ADGRL3: variants seen among roughly 807,000 people sequenced by gnomAD.
ADGRL3 encodes adhesion G protein-coupled receptor L3, also known as calcium-independent alpha-latrotoxin receptor 3.
Under a neutral mutation model 153.5 loss-of-function variants are expected in ADGRL3, and 62 were observed. The ratio of observed to expected loss-of-function variants is 0.40; its 90% CI spans 0.33 to 0.50. The LOEUF is 0.50. ADGRL3 is among the 20% of genes least tolerant of loss of function. ADGRL3 has a pLI of 0.47. For missense variants in ADGRL3, 1,641 were observed against 1,859.4 expected (o/e 0.88, Z 2.16); for synonymous variants, 710 against 672.5 (o/e 1.06, Z -0.86).
At chr4:61,647,017 C>T (rs1048399837) in intron 5 of ADGRL3, among the ~76,000 whole-genome samples, 41 of 152,144 alleles carry the variant, frequency 2.7e-4, no homozygotes, top group African/African-American at 9.7e-4. Flanking sequence ...GCGCAGTCTT[C>T]GGGTGGGAGT....
rs140297440 is a variant in ADGRL3 at position 61,552,355 on chromosome 4, C to T, written c.259+34837C>T. Among the ~76,000 whole-genome samples, 1,480 of 152,240 alleles carry T rather than the reference C, an allele frequency of 9.7e-3. 12 individuals carry two copies. Among genetic ancestry groups the T allele is most frequent in the Middle Eastern group, 0.027 (8 of 294 alleles). On this transcript the variant is annotated intron_variant, in intron 4 of 26. Transcript: ENST00000683033. ...TATTTTTTCTTTATAAGAAAATCCC[C>T]GGAAGATCACCAAACTATATCACTG...
intron 3 of ADGRL3, among the ~76,000 whole-genome samples, chr4:61,508,996 C>T (rs948584761): frequency 6.6e-6 from 1 of 152,070 alleles, no homozygotes; most frequent in African/African-American, 2.4e-5. Context: ...ATTATAAGAA[C>T]AGTGTGGAGG....
chr4:61,463,197 A>G (rs1336322045), intron 2 of ADGRL3, among the ~76,000 whole-genome samples: 1 of 152,136 alleles, frequency 6.6e-6, no homozygotes, highest in Non-Finnish European at 1.5e-5. Context: ...CTGAAGTTCA[A>G]ATTTCACGGA....
At chr4:61,434,886 A>G (rs1175519825) in intron 2 of ADGRL3, among the ~76,000 whole-genome samples, 1 of 152,092 alleles carries the variant, frequency 6.6e-6, no homozygotes, top group African/African-American at 2.4e-5. Flanking sequence ...CTCATTTTGA[A>G]ACAAAATGGC....
intron 9 of ADGRL3, among the ~76,000 whole-genome samples, chr4:61,874,596 GTT>G (rs11335054): frequency 1.7e-3 from 240 of 145,104 alleles, no homozygotes; most frequent in Middle Eastern, 0.011. Context: ...GTTTGCATGT[GTT>G]TTTTTTTTTT....
chr4:61,263,226 G>A (rs965880310), intron 1 of ADGRL3, among the ~76,000 whole-genome samples: 22 of 151,674 alleles, frequency 1.5e-4, no homozygotes, highest in African/African-American at 5.1e-4. Flanking sequence ...ATTATCAAGT[G>A]CAAATAATTA....
At chr4:61,435,491 T>C (rs192347672) in intron 2 of ADGRL3, among the ~76,000 whole-genome samples, 11 of 152,204 alleles carry the variant, frequency 7.2e-5, no homozygotes, top group Non-Finnish European at 1.3e-4. Context: ...GATGAATGCA[T>C]GTGGGCCCAT....
chr4:62,039,032 C>T (rs972475280), intron 24 of ADGRL3, among the ~76,000 whole-genome samples: 2 of 151,978 alleles, frequency 1.3e-5, no homozygotes, highest in Admixed American at 6.6e-5. Context: ...ATTAATTTTT[C>T]TTAACTCTTT....
intron 25 of ADGRL3, among the ~76,000 whole-genome samples, chr4:62,055,715 C>T (rs1425190918): frequency 1.3e-5 from 2 of 151,094 alleles, no homozygotes; most frequent in Admixed American, 1.3e-4. Flanking sequence ...ATAGTTATTC[C>T]TGTTTTATAA....
intron 8 of ADGRL3, among the ~76,000 whole-genome samples, chr4:61,790,622 A>G (rs1345926871): frequency 6.6e-6 from 1 of 152,216 alleles, no homozygotes; most frequent in East Asian, 1.9e-4. Flanking sequence ...AGTGTTTCTG[A>G]TGGAAATATG....
At position 61,200,802 on chromosome 4, in the gene ADGRL3, C is replaced by CAGCAGCA. The variant is rs1734412222; in HGVS notation, c.-1203_-1202insAGCAGCA. 6.6e-6 allele frequency among the ~76,000 whole-genome samples: 1 copy of CAGCAGCA among 152,010 alleles called. No individual in the cohort carries two copies. Among genetic ancestry groups the CAGCAGCA allele is most frequent in the Non-Finnish European group, 1.5e-5 (1 of 67,990 alleles). On this transcript the variant is annotated 5_prime_UTR_variant, in exon 1 of 27. Coordinates refer to ENST00000683033, the MANE Select transcript of ADGRL3 (RefSeq NM_001387552.1). ...AGAACCGAAGAGACAGCGGCGGCGG[C>CAGCAGCA]GCAGAGCCCGGGGCCGCGCGATGAA...
chr4:61,453,506 C>T lies in ADGRL3; in HGVS notation c.-173-43615C>T, dbSNP rs984026228. On this transcript the variant is annotated intron_variant, in intron 2 of 26. Transcript: ENST00000683033. Reference sequence around the variant, plus strand: ...ATAGCTGGGAATTGGCTTGTTTAGTCTCAAAATTTTTATTTATTTATTTTT... The same window carrying T: ...ATAGCTGGGAATTGGCTTGTTTAGTTTCAAAATTTTTATTTATTTATTTTT... Among the ~76,000 whole-genome samples the T allele has an allele frequency of 3.3e-5, 5 of 151,958 alleles. No homozygotes were observed. The East Asian group carries it at 9.6e-4, about 29-fold the overall frequency.
intron 8 of ADGRL3, among the ~76,000 whole-genome samples, chr4:61,786,168 TAGAA>T (rs1233971834): frequency 6.6e-6 from 1 of 152,258 alleles, no homozygotes; most frequent in Non-Finnish European, 1.5e-5. Flanking sequence ...TTCATGCTAA[TAGAA>T]AGCCATTCAA....
At chr4:61,430,714 G>A (rs904142566) in intron 2 of ADGRL3, among the ~76,000 whole-genome samples, 7 of 152,074 alleles carry the variant, frequency 4.6e-5, no homozygotes, top group Non-Finnish European at 7.4e-5. Context: ...CCTTATTCAG[G>A]GAATGGTGTT....
At chr4:61,408,096 AAAAC>A in intron 2 of ADGRL3, among the ~76,000 whole-genome samples, 1 of 152,222 alleles carries the variant, frequency 6.6e-6, no homozygotes, top group South Asian at 2.1e-4. Context: ...AAATAAGAGA[AAAAC>A]AAATTAAAAT....
intron 5 of ADGRL3, among the ~76,000 whole-genome samples, chr4:61,660,185 A>T (rs142421031): frequency 2.6e-4 from 40 of 152,272 alleles, no homozygotes; most frequent in Middle Eastern, 3.4e-3. Flanking sequence ...CCTCAGTGAG[A>T]CCTTTTTTGA....
chr4:61,320,871 A>G (rs1446379573), intron 1 of ADGRL3, among the ~76,000 whole-genome samples: 1 of 152,142 alleles, frequency 6.6e-6, no homozygotes, highest in African/African-American at 2.4e-5. Flanking sequence ...TAAAACCAAG[A>G]TGTTTTCAGG....
chr4:61,532,215 A>T (rs2098622822), intron 4 of ADGRL3, among the ~76,000 whole-genome samples: 1 of 152,182 alleles, frequency 6.6e-6, no homozygotes, highest in African/African-American at 2.4e-5. Flanking sequence ...TAGACAGAAA[A>T]AGTCTTGCAT....
chr4:61,813,926 C>T (rs2097659193), intron 9 of ADGRL3, 37 bp downstream of exon 9: 3 of 1,607,442 alleles, frequency 1.9e-6, no homozygotes, highest in African/African-American at 2.7e-5. Context: ...AGTAACTCTG[C>T]TCATTCTTTG....
Sources: allele counts gnomAD v4.1 joint callset (sites outside exome capture counted in the v4.1 genomes callset), GRCh38; gene constraint gnomAD v4.1.1; transcripts MANE v1.5; gene names NCBI Gene and HGNC (gene_info 2026-07-23, HGNC 2026-07-21).